SP100: variants seen among roughly 807,000 people sequenced by gnomAD.
SP100 encodes the protein nuclear autoantigen Sp-100.
Under a neutral mutation model 130.0 loss-of-function variants are expected in SP100, and 84 were observed. The observed-to-expected ratio is 0.65, with a 90% CI of 0.54 to 0.77. The LOEUF (loss-of-function observed/expected upper bound fraction) is 0.77, where lower values mean the gene tolerates loss of function less well. Ranked by LOEUF, SP100 falls within the 30% of genes least tolerant of loss-of-function variation. The pLI is 0.00. For synonymous variants in SP100, 331 were observed against 351.7 expected (o/e 0.94, Z 0.66); for missense variants, 978 against 1,052.2 (o/e 0.93, Z 0.97).
chr2:230,441,703 G>A (rs977524279), intron 2 of SP100, among the ~76,000 whole-genome samples: 4 of 152,176 alleles, frequency 2.6e-5, no homozygotes, highest in African/African-American at 9.7e-5. Context: ...TGACAGCAGT[G>A]GTTGCCCTGA....
chr2:230,540,775 G>A (rs527690254), intron 25 of SP100, 101 bp from the exon 26 acceptor site: 3 of 1,444,472 alleles, frequency 2.1e-6, no homozygotes, highest in South Asian at 1.5e-5. Flanking sequence ...GATACAAGGT[G>A]GAAACCACTA....
At chr2:230,541,069 T>A (rs1410825073) in intron 26 of SP100, 73 bp downstream of exon 26, 6 of 1,540,900 alleles carry the variant, frequency 3.9e-6, no homozygotes, top group African/African-American at 1.4e-5. Context: ...TCTTACAAAG[T>A]GCTCAAGGAA....
chr2:230,453,070 T>G (rs1296038574), intron 8 of SP100, among the ~76,000 whole-genome samples: 1 of 152,178 alleles, frequency 6.6e-6, no homozygotes, highest in Non-Finnish European at 1.5e-5. Flanking sequence ...GGGGTTTAAT[T>G]GACTCAAGAG....
At chr2:230,431,084 G>A (rs2063085855) in intron 2 of SP100, among the ~76,000 whole-genome samples, 1 of 152,238 alleles carries the variant, frequency 6.6e-6, no homozygotes, top group African/African-American at 2.4e-5. Flanking sequence ...AGGGCCACCA[G>A]CTTGCCTCTG....
chr2:230,470,128 C>T (rs1250286781), intron 15 of SP100, 30 bp downstream of exon 15: 1 of 1,586,550 alleles, frequency 6.3e-7, no homozygotes, highest in Admixed American at 1.8e-5. Flanking sequence ...CAAGACTTGG[C>T]CTGCAGAATG....
At chr2:230,466,199 A>AAAAAC in intron 11 of SP100, 102 bp from the exon 12 acceptor site, 1 of 587,834 alleles carries the variant, frequency 1.7e-6, no homozygotes, top group Non-Finnish European at 3.0e-6. Flanking sequence ...AAAAAAAAAA[A>AAAAAC]AAAACTTTGT....
intron 2 of SP100, among the ~76,000 whole-genome samples, chr2:230,425,020 T>C (rs2062882062): frequency 6.6e-6 from 1 of 152,192 alleles, no homozygotes; most frequent in Non-Finnish European, 1.5e-5. Flanking sequence ...TTTGGTGTTA[T>C]TGAGGTATAA....
chr2:230,482,994 C>A (rs1001514365), intron 17 of SP100, among the ~76,000 whole-genome samples: 2 of 151,966 alleles, frequency 1.3e-5, no homozygotes, highest in African/African-American at 2.4e-5. Context: ...AAATATTGAC[C>A]GTTTCTATTC....
intron 21 of SP100, among the ~76,000 whole-genome samples, chr2:230,505,307 A>G (rs1161818417): frequency 6.6e-6 from 1 of 152,230 alleles, no homozygotes; most frequent in Admixed American, 6.5e-5. Context: ...TACAAGGGCA[A>G]GCACCTCAGT....
chr2:230,509,214 T>G (rs900220827), intron 23 of SP100: 4 of 152,218 alleles, frequency 2.6e-5, no homozygotes, highest in Admixed American at 6.5e-5. Flanking sequence ...GTGAGATCAC[T>G]GATGCCTTCC....
intron 22 of SP100, 131 bp downstream of exon 22, chr2:230,506,576 TA>T: frequency 1.2e-6 from 1 of 836,998 alleles, no homozygotes; most frequent in Non-Finnish European, 1.9e-6. Flanking sequence ...ATGCATATGT[TA>T]TTACTAACGT....
intron 12 of SP100, 104 bp from the exon 13 acceptor site, chr2:230,467,016 G>A: frequency 1.3e-6 from 1 of 772,990 alleles, no homozygotes; most frequent in South Asian, 1.5e-5. Context: ...TGAAGTTTCA[G>A]AGCATCACAA....
At chr2:230,442,869 C>A in intron 2 of SP100, 68 bp from the exon 3 acceptor site, 1 of 1,376,432 alleles carries the variant, frequency 7.3e-7, no homozygotes, top group Non-Finnish European at 1.0e-6. Flanking sequence ...TATATGTAAA[C>A]TCTTACAGCC....
chr2:230,470,250 AAG>A (rs2065200505), intron 15 of SP100, 152 bp downstream of exon 15: 1 of 1,346,122 alleles, frequency 7.4e-7, no homozygotes, highest in African/African-American at 1.5e-5. Flanking sequence ...AGAAAATGGA[AAG>A]AGGCAGGAAA....
chr2:230,461,794 T>C (rs1489953927), intron 9 of SP100, among the ~76,000 whole-genome samples: 1 of 150,766 alleles, frequency 6.6e-6, no homozygotes, highest in East Asian at 1.9e-4. Context: ...ACAAAAAATA[T>C]AAAAATTAGC....
intron 2 of SP100, among the ~76,000 whole-genome samples, chr2:230,420,590 C>G (rs1481363740): frequency 6.6e-6 from 1 of 152,078 alleles, no homozygotes; most frequent in African/African-American, 2.4e-5. Flanking sequence ...TTATTTTAAT[C>G]AGGCCTGTGT....
At chr2:230,489,367 A>T (rs2066276902) in intron 17 of SP100, among the ~76,000 whole-genome samples, 1 of 151,690 alleles carries the variant, frequency 6.6e-6, no homozygotes, top group South Asian at 2.1e-4. Context: ...CGGTGGTGAT[A>T]TCCCCTTTAT....
intron 21 of SP100, among the ~76,000 whole-genome samples, chr2:230,505,662 C>A (rs1165383609): frequency 1.3e-5 from 2 of 152,300 alleles, no homozygotes; most frequent in Middle Eastern, 3.4e-3. Flanking sequence ...GACACCTCCC[C>A]ACAACATAGT....
chr2:230,479,683 G>A (rs1483035308), intron 17 of SP100, among the ~76,000 whole-genome samples: 4 of 152,222 alleles, frequency 2.6e-5, no homozygotes, highest in Non-Finnish European at 5.9e-5. Flanking sequence ...CAGATTTAAA[G>A]CGATCCCCCA....
Sources: gnomAD v4.1 joint callset for allele counts (sites outside exome capture counted in the v4.1 genomes callset) on GRCh38, gnomAD v4.1.1 for gene constraint, MANE v1.5 for transcripts, NCBI Gene and HGNC (gene_info 2026-07-23, HGNC 2026-07-21) for gene names.